NR5A2: variants seen among roughly 807,000 people sequenced by gnomAD.
NR5A2 encodes nuclear receptor subfamily 5 group A member 2.
Under a neutral mutation model 62.7 loss-of-function variants are expected in NR5A2, and 26 were observed. The observed-to-expected ratio is 0.41, with a 90% confidence interval of 0.30 to 0.58. NR5A2 has a LOEUF of 0.58. NR5A2 is among the 20% of genes least tolerant of loss of function. The pLI is 0.22. For synonymous variants in NR5A2, 246 were observed against 241.7 expected (o/e 1.02, Z -0.16); for missense variants, 541 against 669.1 (o/e 0.81, Z 2.11).
intron 5 of NR5A2, among the ~76,000 whole-genome samples, chr1:200,063,084 C>T (rs541327747): frequency 2.7e-5 from 4 of 150,734 alleles, no homozygotes; most frequent in Admixed American, 6.6e-5. Context: ...AGTGCAGTGT[C>T]GCGATTTCGG....
chr1:200,049,397 T>C (rs909143893), intron 5 of NR5A2, among the ~76,000 whole-genome samples: 9 of 152,314 alleles, frequency 5.9e-5, no homozygotes, highest in East Asian at 1.9e-4. Flanking sequence ...TGTCATTGGA[T>C]GGGGAATGGG....
At chr1:200,138,156 A>G (rs1667306378) in intron 7 of NR5A2, among the ~76,000 whole-genome samples, 1 of 152,230 alleles carries the variant, frequency 6.6e-6, no homozygotes, top group Non-Finnish European at 1.5e-5. Context: ...TTTATTACAA[A>G]CAATGTTAAA....
intron 7 of NR5A2, among the ~76,000 whole-genome samples, chr1:200,165,228 C>T (rs569216589): frequency 3.3e-5 from 5 of 152,002 alleles, no homozygotes; most frequent in Admixed American, 2.0e-4. Flanking sequence ...ACAGAGACTC[C>T]CCACATAACC....
chr1:200,105,061 T>C (rs1665581848), intron 5 of NR5A2, among the ~76,000 whole-genome samples: 1 of 152,102 alleles, frequency 6.6e-6, no homozygotes, highest in African/African-American at 2.4e-5. Context: ...TGGGCTCAAG[T>C]GATCCTCCAG....
chr1:200,044,381 T>G (rs1662261953), intron 3 of NR5A2: 1 of 152,116 alleles, frequency 6.6e-6, no homozygotes, highest in Non-Finnish European at 1.5e-5. Context: ...ATTTTAAGGA[T>G]TTTTTGAAAT....
At chr1:200,124,103 C>T (rs1346680030) in intron 7 of NR5A2, among the ~76,000 whole-genome samples, 1 of 151,994 alleles carries the variant, frequency 6.6e-6, no homozygotes, top group African/African-American at 2.4e-5. Flanking sequence ...CACGCCTGGC[C>T]TAGAGGTGGT....
chr1:200,028,571 AC>A (rs1274732275), intron 1 of NR5A2, among the ~76,000 whole-genome samples: 4 of 152,230 alleles, frequency 2.6e-5, no homozygotes, highest in Admixed American at 2.6e-4. Context: ...AAATAGAGTT[AC>A]AAACTTATGA....
intron 7 of NR5A2, among the ~76,000 whole-genome samples, chr1:200,167,890 A>C (rs1171999137): frequency 6.6e-6 from 1 of 152,108 alleles, no homozygotes; most frequent in Admixed American, 6.5e-5. Flanking sequence ...CACCTTCCCC[A>C]GGGACCCCTC....
intron 7 of NR5A2, among the ~76,000 whole-genome samples, chr1:200,145,360 AT>A (rs201669447): frequency 1.9e-4 from 28 of 149,564 alleles, no homozygotes; most frequent in South Asian, 8.5e-4. Context: ...AGTAATGGCA[AT>A]TTTTTTTTTA....
At chr1:200,063,350 G>A (rs1485880177) in intron 5 of NR5A2, among the ~76,000 whole-genome samples, 2 of 151,858 alleles carry the variant, frequency 1.3e-5, no homozygotes, top group African/African-American at 4.8e-5. Flanking sequence ...AGTAGAGACG[G>A]GGTTTCACCA....
chr1:200,114,255 AATATATCTACATATATACAT>A (rs1666109861), intron 6 of NR5A2, among the ~76,000 whole-genome samples: 1 of 151,518 alleles, frequency 6.6e-6, no homozygotes, highest in Admixed American at 6.6e-5. Flanking sequence ...CATACACACA[AATATATCTACATATATACAT>A]ATATATACAC....
intron 6 of NR5A2, among the ~76,000 whole-genome samples, chr1:200,117,632 A>G (rs1373335374): frequency 1.3e-5 from 2 of 152,174 alleles, no homozygotes. Flanking sequence ...CTCCATCTTA[A>G]TAATGGAAAA....
intron 6 of NR5A2, among the ~76,000 whole-genome samples, chr1:200,117,200 C>A (rs532772765): frequency 1.3e-5 from 2 of 152,222 alleles, no homozygotes; most frequent in South Asian, 2.1e-4. Context: ...ACATAAAAGA[C>A]AAGGCCAACT....
intron 5 of NR5A2, among the ~76,000 whole-genome samples, chr1:200,062,862 A>G (rs1271844401): frequency 1.3e-5 from 2 of 152,160 alleles, no homozygotes; most frequent in African/African-American, 4.8e-5. Flanking sequence ...ACTTTAATTG[A>G]TTCTTACTCC....
Position 200,122,036 on chromosome 1 carries a change from G to C in NR5A2, c.1378+1081G>C, listed in dbSNP as rs149773781. Among the ~76,000 whole-genome samples, 889 of 152,242 alleles carry C rather than the reference G, an allele frequency of 5.8e-3. 5 individuals are homozygous for C. The highest frequency in any genetic ancestry group is 9.6e-3 in the Non-Finnish European group (655 of 67,990). Reference sequence around the variant, plus strand: ...GTATAGTCAACATTTAAAATAAAAAGAGCATTTTCATATTTTGGAAAATGT... The same window carrying C: ...GTATAGTCAACATTTAAAATAAAAACAGCATTTTCATATTTTGGAAAATGT... On this transcript the variant is annotated intron_variant, in intron 7 of 7. Coordinates refer to ENST00000367362, the MANE Select transcript of NR5A2 (RefSeq NM_205860.3).
At chr1:200,095,868 T>A (rs1006443760) in intron 5 of NR5A2, among the ~76,000 whole-genome samples, 21 of 152,078 alleles carry the variant, frequency 1.4e-4, no homozygotes, top group African/African-American at 3.6e-4. Flanking sequence ...TAATATTTTT[T>A]AAAAAATTTT....
chr1:200,028,773 A>C (rs1225362270), intron 1 of NR5A2, among the ~76,000 whole-genome samples: 1 of 152,152 alleles, frequency 6.6e-6, no homozygotes, highest in Non-Finnish European at 1.5e-5. Context: ...CCGAATTTGC[A>C]GGGGCCTGTC....
chr1:200,138,802 T>C (rs1397385732), intron 7 of NR5A2, among the ~76,000 whole-genome samples: 3 of 152,178 alleles, frequency 2.0e-5, no homozygotes, highest in African/African-American at 7.2e-5. Flanking sequence ...TAATCTCACA[T>C]GTTTTATGCA....
intron 1 of NR5A2, chr1:200,029,139 C>G (rs1356236459): frequency 4.6e-6 from 2 of 433,610 alleles, no homozygotes; most frequent in Admixed American, 5.0e-5. Flanking sequence ...AGGAGTCCTT[C>G]CCGGCAGCTC....
Sources: allele counts gnomAD v4.1 joint callset (sites outside exome capture counted in the v4.1 genomes callset), GRCh38; gene constraint gnomAD v4.1.1; transcripts MANE v1.5; gene names NCBI Gene and HGNC (gene_info 2026-07-23, HGNC 2026-07-21).